The following KCNQ5 variants were observed in gnomAD, a reference collection of about 807,000 sequenced individuals.
KCNQ5 encodes potassium voltage-gated channel subfamily Q member 5, also known as potassium voltage-gated channel subfamily KQT member 5.
In KCNQ5, 30 loss-of-function variants were observed where a neutral mutation model predicts 98.2. That is an observed-to-expected ratio of 0.31 (90% CI 0.23 to 0.41). The LOEUF is 0.41. KCNQ5 is among the 10% of genes least tolerant of loss of function. The pLI is 1.00. For missense variants in KCNQ5, 835 were observed against 1,182.5 expected, an observed-to-expected ratio of 0.71 and a Z score of 4.31; for synonymous variants, 458 against 449.4, an observed-to-expected ratio of 1.02 and a Z score of -0.24.
intron 1 of KCNQ5, among the ~76,000 whole-genome samples, chr6:72,909,518 G>A (rs892631857): frequency 3.9e-5 from 6 of 152,124 alleles, no homozygotes; most frequent in African/African-American, 1.4e-4. Flanking sequence ...ATAAGGTAAT[G>A]TTTGTAGTGG....
chr6:73,051,333 C>A (rs528612220), intron 3 of KCNQ5, among the ~76,000 whole-genome samples: 41 of 152,300 alleles, frequency 2.7e-4, no homozygotes, highest in African/African-American at 9.4e-4. Context: ...TGGCCACCAG[C>A]ACTCTGCCCC....
chr6:73,181,879 A>G (rs1261687422), intron 11 of KCNQ5, among the ~76,000 whole-genome samples: 1 of 152,262 alleles, frequency 6.6e-6, no homozygotes, highest in African/African-American at 2.4e-5. Context: ...GGATGGCAAT[A>G]GTACCCTTAT....
intron 1 of KCNQ5, among the ~76,000 whole-genome samples, chr6:72,840,247 T>A (rs1776731639): frequency 6.6e-6 from 1 of 152,220 alleles, no homozygotes; most frequent in African/African-American, 2.4e-5. Flanking sequence ...TTTGACATAC[T>A]GATTTCAAAT....
intron 1 of KCNQ5, among the ~76,000 whole-genome samples, chr6:72,858,904 T>G (rs1777639822): frequency 1.3e-5 from 2 of 152,260 alleles, no homozygotes; most frequent in Middle Eastern, 3.4e-3. Flanking sequence ...GTTTCTTGGT[T>G]TTGATGAAGT....
chr6:72,906,567 C>T (rs1458794367), intron 1 of KCNQ5, among the ~76,000 whole-genome samples: 1 of 152,216 alleles, frequency 6.6e-6, no homozygotes, highest in African/African-American at 2.4e-5. Context: ...GCTCCCAGGG[C>T]CTTTCCCGCT....
At chr6:72,840,575 C>G (rs1776743336) in intron 1 of KCNQ5, among the ~76,000 whole-genome samples, 1 of 152,128 alleles carries the variant, frequency 6.6e-6, no homozygotes, top group African/African-American at 2.4e-5. Context: ...AGTATTGACT[C>G]CCCTTCAAAA....
intron 1 of KCNQ5, among the ~76,000 whole-genome samples, chr6:72,995,063 C>G (rs930454085): frequency 6.6e-6 from 1 of 152,006 alleles, no homozygotes; most frequent in African/African-American, 2.4e-5. Context: ...GAATATTAAG[C>G]AAATGATTTA....
chr6:72,975,666 G>A (rs570695321), intron 1 of KCNQ5, among the ~76,000 whole-genome samples: 1 of 152,312 alleles, frequency 6.6e-6, no homozygotes, highest in African/African-American at 2.4e-5. Context: ...ACATCATAAA[G>A]TCTACTGCCA....
intron 1 of KCNQ5, among the ~76,000 whole-genome samples, chr6:72,650,568 A>G (rs1164790465): frequency 6.6e-6 from 1 of 152,186 alleles, no homozygotes; most frequent in African/African-American, 2.4e-5. Context: ...CCCTCTGGGG[A>G]AAAATCCATT....
At chr6:72,706,845 A>C (rs909924557) in intron 1 of KCNQ5, among the ~76,000 whole-genome samples, 2 of 152,200 alleles carry the variant, frequency 1.3e-5, no homozygotes, top group African/African-American at 4.8e-5. Flanking sequence ...CATCTTTACT[A>C]TTCCCTCTTG....
chr6:73,192,683 GA>G lies in KCNQ5; in HGVS notation c.1833del (p.Lys611AsnfsTer6). ...LSMLGRVVKV[E>X]KQVQSIESKL... ...TATGCTCGGTCGGGTGGTCAAGGTT[GA>G]AAAACAGGTACAACTCAACTACGCT... On this transcript the variant is annotated frameshift_variant, in exon 13 of 14. Transcript: ENST00000370398. LOFTEE classifies it high-confidence loss of function. 1.3e-6 allele frequency: 2 copies of G among 1,584,714 alleles called. No homozygotes were observed. The highest frequency in any genetic ancestry group is 1.8e-5 in the Admixed American group (1 of 55,626).
chr6:72,812,728 A>G (rs1448279793), intron 1 of KCNQ5, among the ~76,000 whole-genome samples: 1 of 152,204 alleles, frequency 6.6e-6, no homozygotes, highest in Non-Finnish European at 1.5e-5. Context: ...CTTAGAAGCC[A>G]TAGTAAGTGG....
chr6:72,898,518 T>G lies in KCNQ5; in HGVS notation c.399-105390T>G, dbSNP rs144219163. On this transcript the variant is annotated intron_variant, in intron 1 of 13. Coordinates refer to ENST00000370398, the MANE Select transcript of KCNQ5 (RefSeq NM_019842.4). ...AAGGACATGATCTCATTCCTTTTTA[T>G]GGCTGCATAGTATTCCATGGTATAT... Among the ~76,000 whole-genome samples the G allele has an allele frequency of 4.8e-3, 734 of 152,356 alleles. 11 individuals carry two copies. The highest frequency in any genetic ancestry group is 0.021 in the East Asian group (107 of 5,188).
intron 1 of KCNQ5, among the ~76,000 whole-genome samples, chr6:72,794,677 G>T (rs1211167181): frequency 2.0e-5 from 3 of 152,092 alleles, no homozygotes; most frequent in South Asian, 2.1e-4. Context: ...AAAGCTAAAG[G>T]TTAGCACTTA....
At chr6:73,146,457 T>G (rs557235818) in intron 10 of KCNQ5, among the ~76,000 whole-genome samples, 1 of 152,002 alleles carries the variant, frequency 6.6e-6, no homozygotes, top group South Asian at 2.1e-4. Context: ...AAACCCCATC[T>G]CTACAAAAAA....
At chr6:73,078,477 C>T (rs1773628780) in intron 5 of KCNQ5, among the ~76,000 whole-genome samples, 1 of 152,118 alleles carries the variant, frequency 6.6e-6, no homozygotes. Flanking sequence ...AAAATTAACA[C>T]ATGCTAAACA....
chr6:72,785,521 G>A (rs1402492489), intron 1 of KCNQ5, among the ~76,000 whole-genome samples: 1 of 151,826 alleles, frequency 6.6e-6, no homozygotes, highest in Non-Finnish European at 1.5e-5. Context: ...ATGATGGTGG[G>A]CGCCTGTAAT....
chr6:73,181,509 C>T (rs941061701), intron 11 of KCNQ5, among the ~76,000 whole-genome samples: 3 of 152,152 alleles, frequency 2.0e-5, no homozygotes, highest in Admixed American at 2.0e-4. Context: ...TAAGGTAATC[C>T]TTTGAAAAAT....
At chr6:73,060,518 T>C (rs1170040765) in intron 3 of KCNQ5, among the ~76,000 whole-genome samples, 1 of 152,038 alleles carries the variant, frequency 6.6e-6, no homozygotes, top group Non-Finnish European at 1.5e-5. Context: ...TTTCTAATTA[T>C]AACTAAAAAT....
Sources: gnomAD v4.1 joint callset for allele counts (sites outside exome capture counted in the v4.1 genomes callset) on GRCh38, gnomAD v4.1.1 for gene constraint, MANE v1.5 for transcripts, NCBI Gene and HGNC (gene_info 2026-07-23, HGNC 2026-07-21) for gene names.